Variants in OR6N1 observed in about 807,000 individuals in gnomAD.
OR6N1 encodes the protein olfactory receptor family 6 subfamily N member 1.
For synonymous variants in OR6N1, 170 were observed against 150.7 expected (o/e 1.13, Z -0.94); for missense variants, 394 against 371.7 (o/e 1.06, Z -0.49).
At chr1:158,781,842 T>C in the OR6N1 span, among the ~76,000 whole-genome samples, 1 of 152,232 alleles carries the variant, frequency 6.6e-6, no homozygotes, top group Non-Finnish European at 1.5e-5. Flanking sequence ...ACACATGTTG[T>C]TCTAAGCACA....
the OR6N1 span, among the ~76,000 whole-genome samples, chr1:158,812,008 C>T: frequency 6.6e-6 from 1 of 152,214 alleles, no homozygotes; most frequent in African/African-American, 2.4e-5. Flanking sequence ...TCCACTTCAT[C>T]AGAAACATGT....
chr1:158,796,895 T>G, the OR6N1 span, among the ~76,000 whole-genome samples: 1 of 144,972 alleles, frequency 6.9e-6, no homozygotes. Context: ...TTTTTTTTTG[T>G]AGGTCACTGC....
chr1:158,829,928 T>C, the OR6N1 span, among the ~76,000 whole-genome samples: 1 of 152,186 alleles, frequency 6.6e-6, no homozygotes, highest in Non-Finnish European at 1.5e-5. Flanking sequence ...AACTCCCATT[T>C]TTTAAAAACT....
At chr1:158,796,368 C>T in the OR6N1 span, among the ~76,000 whole-genome samples, 1 of 152,142 alleles carries the variant, frequency 6.6e-6, no homozygotes, top group Non-Finnish European at 1.5e-5. Flanking sequence ...AGATTTGCTC[C>T]TCTGAGGTAA....
At chr1:158,801,343 T>A in the OR6N1 span, among the ~76,000 whole-genome samples, 1 of 152,020 alleles carries the variant, frequency 6.6e-6, no homozygotes, top group Non-Finnish European at 1.5e-5. Flanking sequence ...CAGAAAAGTA[T>A]CCATCTAGTC....
the OR6N1 span, among the ~76,000 whole-genome samples, chr1:158,795,000 A>G: frequency 6.6e-6 from 1 of 152,152 alleles, no homozygotes; most frequent in Admixed American, 6.5e-5. Context: ...TTACGCTACC[A>G]AGGTGGATCT....
the OR6N1 span, among the ~76,000 whole-genome samples, chr1:158,804,002 G>A: frequency 6.6e-6 from 1 of 152,156 alleles, no homozygotes; most frequent in Non-Finnish European, 1.5e-5. Flanking sequence ...TTTTAAGAAA[G>A]AAGAAGCCTT....
the OR6N1 span, chr1:158,777,765 CACT>C: frequency 3.2e-5 from 20 of 619,814 alleles, no homozygotes; most frequent in Admixed American, 4.8e-4. Flanking sequence ...CTGTTGCCCT[CACT>C]ACTATTACTA....
At chr1:158,770,884 T>C (rs1020200717) in intron 1 of OR6N1, among the ~76,000 whole-genome samples, 5 of 152,200 alleles carry the variant, frequency 3.3e-5, no homozygotes, top group African/African-American at 1.2e-4. Context: ...TTTTGAAATG[T>C]TTTAGTTTAC....
chr1:158,788,925 T>C, the OR6N1 span, among the ~76,000 whole-genome samples: 1 of 152,160 alleles, frequency 6.6e-6, no homozygotes, highest in African/African-American at 2.4e-5. Flanking sequence ...CTGTTTTTAT[T>C]TAGAAGTTAG....
chr1:158,771,153 A>C (rs1330198803), intron 1 of OR6N1, among the ~76,000 whole-genome samples: 1 of 152,138 alleles, frequency 6.6e-6, no homozygotes, highest in African/African-American at 2.4e-5. Flanking sequence ...CAAGTCTGTC[A>C]TTTTTTTCCC....
chr1:158,779,938 C>T, the OR6N1 span, among the ~76,000 whole-genome samples: 1 of 152,186 alleles, frequency 6.6e-6, no homozygotes, highest in African/African-American at 2.4e-5. Flanking sequence ...TGTAGTACTT[C>T]ATTAATTATT....
At chr1:158,786,844 G>C in the OR6N1 span, among the ~76,000 whole-genome samples, 2 of 152,082 alleles carry the variant, frequency 1.3e-5, no homozygotes, top group Non-Finnish European at 2.9e-5. Context: ...ACTCAGGGGG[G>C]AAAAGGTGAG....
the OR6N1 span, among the ~76,000 whole-genome samples, chr1:158,783,244 C>A: frequency 6.6e-6 from 1 of 152,176 alleles, no homozygotes; most frequent in African/African-American, 2.4e-5. Context: ...AGCTTTCATG[C>A]CCTGCCTTGA....
the OR6N1 span, among the ~76,000 whole-genome samples, chr1:158,828,321 TA>T: frequency 1.3e-5 from 2 of 152,290 alleles, no homozygotes; most frequent in South Asian, 4.1e-4. Flanking sequence ...TATGAGCCTG[TA>T]AAATCAAAAG....
Position 158,765,875 on chromosome 1 carries a change from A to C in OR6N1, c.808T>G (p.Tyr270Asp), listed in dbSNP as rs759496773. Reference sequence around the variant, plus strand: ...TAGACCACTGCCAGGGCCTGGTCATAGTCCAGTGAGTAGCTCTTCTTCAGC... The same window carrying C: ...TAGACCACTGCCAGGGCCTGGTCATCGTCCAGTGAGTAGCTCTTCTTCAGC... The part of the protein sequence containing the change: ...VQLKKSYSLD[Y>D]DQALAVVYSV... Residue 270 changes from tyrosine to aspartate, a missense_variant, in exon 2 of 2, where the codon TAT (tyrosine) becomes GAT (aspartate). By Grantham distance (160) the Tyr-to-Asp change is radical. Coordinates refer to ENST00000641846, the MANE Select transcript of OR6N1 (RefSeq NM_001005185.2). 9 of 1,614,014 alleles carry C rather than the reference A, an allele frequency of 5.6e-6. No individual in the cohort carries two copies. The highest frequency in any genetic ancestry group is 6.8e-6 in the Non-Finnish European group (8 of 1,180,000).
the OR6N1 span, among the ~76,000 whole-genome samples, chr1:158,794,986 A>G: frequency 2.0e-5 from 3 of 152,108 alleles, no homozygotes; most frequent in Admixed American, 2.0e-4. Flanking sequence ...CTTTATACAT[A>G]GTGTTACGCT....
At chr1:158,806,521 G>A in the OR6N1 span, among the ~76,000 whole-genome samples, 1 of 152,154 alleles carries the variant, frequency 6.6e-6, no homozygotes, top group South Asian at 2.1e-4. Flanking sequence ...TAAGTGTATT[G>A]CATATGATCA....
chr1:158,777,543 C>A, the OR6N1 span: 1 of 1,614,080 alleles, frequency 6.2e-7, no homozygotes, highest in Non-Finnish European at 8.5e-7. Flanking sequence ...ATGCCAATAG[C>A]AGCAGGACAA....
Sources: gnomAD v4.1 joint callset for allele counts (sites outside exome capture counted in the v4.1 genomes callset) on GRCh38, gnomAD v4.1.1 for gene constraint, MANE v1.5 for transcripts, NCBI Gene and HGNC (gene_info 2026-07-23, HGNC 2026-07-21) for gene names.